Variants in LARP1B observed in about 807,000 individuals in gnomAD.
LARP1B encodes the protein la-related protein 1B.
A neutral mutation model predicts 114.2 loss-of-function variants in LARP1B; 76 were observed. The ratio of observed to expected loss-of-function variants is 0.67; its 90% CI spans 0.55 to 0.81. The LOEUF (loss-of-function observed/expected upper bound fraction) is 0.81. Ranked by LOEUF, LARP1B falls within the 30% of genes least tolerant of loss-of-function variation. The pLI is 0.00. For missense variants in LARP1B, 1,014 were observed against 1,075.8 expected, an observed-to-expected ratio of 0.94 and a Z score of 0.80; for synonymous variants, 345 against 348.0, an observed-to-expected ratio of 0.99 and a Z score of 0.10.
At chr4:128,198,074 A>G (rs1264665600) in intron 15 of LARP1B, among the ~76,000 whole-genome samples, 2 of 151,854 alleles carry the variant, frequency 1.3e-5, no homozygotes, top group African/African-American at 2.4e-5. Context: ...TTATAGAGAC[A>G]GGGTTTCACC....
chr4:128,156,508 T>C (rs957300577), intron 11 of LARP1B, among the ~76,000 whole-genome samples: 10 of 152,104 alleles, frequency 6.6e-5, no homozygotes, highest in Non-Finnish European at 1.5e-4. Flanking sequence ...TTAGAGGTCC[T>C]CTGGAGCCCT....
intron 15 of LARP1B, among the ~76,000 whole-genome samples, chr4:128,191,425 G>A (rs78883160): frequency 0.018 from 2,727 of 152,264 alleles, 63 homozygotes; most frequent in East Asian, 0.1. Flanking sequence ...ATTCTTTGCA[G>A]TAGCGTGTGA....
intron 5 of LARP1B, among the ~76,000 whole-genome samples, chr4:128,087,239 G>A (rs1214985380): frequency 6.6e-6 from 1 of 152,110 alleles, no homozygotes; most frequent in Admixed American, 6.6e-5. Flanking sequence ...TTTTTTCACA[G>A]GGATTGCTCA....
chr4:128,171,708 TTTTC>T (rs1436140699), intron 12 of LARP1B, among the ~76,000 whole-genome samples: 1 of 152,178 alleles, frequency 6.6e-6, no homozygotes, highest in African/African-American at 2.4e-5. Flanking sequence ...TGATTTATAG[TTTTC>T]TTTCTTCTGA....
At chr4:128,081,910 T>C (rs1173696968) in intron 4 of LARP1B, among the ~76,000 whole-genome samples, 1 of 152,150 alleles carries the variant, frequency 6.6e-6, no homozygotes, top group Non-Finnish European at 1.5e-5. Context: ...AATTTTTGTG[T>C]TTTTTAGTAG....
chr4:128,206,617 T>C (rs1281088782), intron 18 of LARP1B, 80 bp downstream of exon 18: 1 of 1,507,252 alleles, frequency 6.6e-7, no homozygotes. Context: ...AAGGAGTTCA[T>C]AGTTTTTTTC....
At chr4:128,188,861 C>T (rs1352395308) in intron 15 of LARP1B, among the ~76,000 whole-genome samples, 1 of 152,100 alleles carries the variant, frequency 6.6e-6, no homozygotes, top group African/African-American at 2.4e-5. Context: ...AGAAAAGATA[C>T]TTGATATGAT....
intron 7 of LARP1B, among the ~76,000 whole-genome samples, chr4:128,094,609 G>T (rs1777230133): frequency 6.6e-6 from 1 of 151,596 alleles, no homozygotes; most frequent in African/African-American, 2.4e-5. Context: ...GTTTTGCCAT[G>T]TTGCCCCATC....
intron 11 of LARP1B, among the ~76,000 whole-genome samples, chr4:128,136,555 C>T (rs1249647917): frequency 6.6e-6 from 1 of 152,136 alleles, no homozygotes; most frequent in Non-Finnish European, 1.5e-5. Context: ...TTGTAATTTA[C>T]TCTCTAAGTG....
chr4:128,112,396 G>T (rs2149867588), intron 9 of LARP1B, among the ~76,000 whole-genome samples: 1 of 147,040 alleles, frequency 6.8e-6, no homozygotes, highest in South Asian at 2.1e-4. Flanking sequence ...TTTTACTCTT[G>T]TCCTGAGCAT....
chr4:128,186,827 G>A (rs1437096142), intron 15 of LARP1B, among the ~76,000 whole-genome samples: 6 of 152,310 alleles, frequency 3.9e-5, no homozygotes, highest in African/African-American at 1.4e-4. Flanking sequence ...GGGGCCCTGT[G>A]CAACCTTGGG....
intron 15 of LARP1B, among the ~76,000 whole-genome samples, chr4:128,198,202 T>C (rs796575309): frequency 2.7e-4 from 41 of 152,272 alleles, no homozygotes; most frequent in Admixed American, 1.0e-3. Context: ...TAGTTTAATA[T>C]GCTGCAAAAA....
chr4:128,182,845 AAC>A (rs1402925573), intron 15 of LARP1B, among the ~76,000 whole-genome samples: 3 of 152,232 alleles, frequency 2.0e-5, no homozygotes, highest in Non-Finnish European at 2.9e-5. Context: ...AAGAAAGTGA[AAC>A]AGTTTTATTG....
chr4:128,110,707 A>G (rs62334588), intron 9 of LARP1B, among the ~76,000 whole-genome samples: 22,006 of 140,230 alleles, frequency 0.16, 2,547 homozygotes, highest in Middle Eastern at 0.29. Flanking sequence ...GCAGCAGACC[A>G]CACAGAGCAT....
chr4:128,181,448 G>T (rs188751114), intron 15 of LARP1B, among the ~76,000 whole-genome samples: 1 of 152,134 alleles, frequency 6.6e-6, no homozygotes, highest in Admixed American at 6.5e-5. Context: ...CAGGTGCTGG[G>T]ATTACAGGCA....
chr4:128,076,059 G>A (rs1260216244), intron 3 of LARP1B, among the ~76,000 whole-genome samples: 1 of 152,080 alleles, frequency 6.6e-6, no homozygotes, highest in African/African-American at 2.4e-5. Flanking sequence ...TGTCGCCCAG[G>A]CTGGAGTACA....
At chr4:128,220,831 A>C (rs1759959857) in intron 7 of LARP1B, among the ~76,000 whole-genome samples, 1 of 152,192 alleles carries the variant, frequency 6.6e-6, no homozygotes, top group African/African-American at 2.4e-5. Context: ...TCCTACCTAA[A>C]ACACGATAAA....
At chr4:128,143,601 C>A (rs1423336007) in intron 11 of LARP1B, among the ~76,000 whole-genome samples, 1 of 151,350 alleles carries the variant, frequency 6.6e-6, no homozygotes, top group Non-Finnish European at 1.5e-5. Flanking sequence ...TTTTGAGCCT[C>A]TTGATAAACA....
Position 128,162,301 on chromosome 4 carries a change from T to C in LARP1B, c.1632T>C (p.Pro544=). The C allele has an allele frequency of 6.2e-7, 1 of 1,613,140 alleles. No individual in the cohort carries two copies. Among genetic ancestry groups the C allele is most frequent in the Non-Finnish European group, 8.5e-7 (1 of 1,179,314 alleles). ...FEPNQEVPVA[P]SQSRQGGVQG... ...CAAACCAAGAAGTTCCTGTAGCACC[T>C]TCACAGTCCAGGCAAGGTATGTAAA... Residue 544 remains proline (P), a synonymous_variant, in exon 12 of 20, where the codon CCT becomes CCC. Coordinates refer to ENST00000326639, the MANE Select transcript of LARP1B (RefSeq NM_018078.4).
Sources: gnomAD v4.1 joint callset for allele counts (sites outside exome capture counted in the v4.1 genomes callset) on GRCh38, gnomAD v4.1.1 for gene constraint, MANE v1.5 for transcripts, NCBI Gene and HGNC (gene_info 2026-07-23, HGNC 2026-07-21) for gene names.